MACIR: variants seen among roughly 807,000 people sequenced by gnomAD.
MACIR encodes the protein UNC119-binding protein C5orf30.
Under a neutral mutation model 14.3 loss-of-function variants are expected in MACIR, and 4 were observed. The ratio of observed to expected loss-of-function variants is 0.28; its 90% CI spans 0.14 to 0.64. The LOEUF (loss-of-function observed/expected upper bound fraction) is 0.64, where lower values mean the gene tolerates loss of function less well. MACIR is among the 30% of genes least tolerant of loss of function. The probability of loss-of-function intolerance (pLI) is 0.83; values close to 1 mark genes in which losing one functional copy is unlikely to be tolerated. For missense variants in MACIR, 228 were observed against 257.6 expected, an observed-to-expected ratio of 0.89 and a Z score of 0.79; for synonymous variants, 101 against 102.4, an observed-to-expected ratio of 0.99 and a Z score of 0.08.
intron 1 of MACIR, among the ~76,000 whole-genome samples, chr5:103,263,767 A>G (rs962144091): frequency 2.0e-5 from 3 of 152,168 alleles, no homozygotes; most frequent in African/African-American, 7.2e-5. Flanking sequence ...AATGAAATCT[A>G]TCCCACTTTG....
At chr5:103,266,677 G>A (rs1160780028) in intron 2 of MACIR, among the ~76,000 whole-genome samples, 1 of 152,056 alleles carries the variant, frequency 6.6e-6, no homozygotes, top group Non-Finnish European at 1.5e-5. Context: ...CTATATTAGT[G>A]TGACTTCATG....
At position 103,260,221 on chromosome 5, in the gene MACIR, C is replaced by CTT. The variant is rs797038831; in HGVS notation, c.-114+1338_-114+1339dup. Among the ~76,000 whole-genome samples the CTT allele has an allele frequency of 9.3e-4, 129 of 139,080 alleles. 1 individual carries two copies. The highest frequency in any genetic ancestry group is 3.1e-3 in the African/African-American group (119 of 38,240). The allele number at this position is 139,080 out of a possible 152,430, so 91.2% of individuals were successfully genotyped here. A position where few individuals can be genotyped will look rare whatever the true frequency, so the allele number is the denominator to read the frequency against. Reference sequence around the variant, plus strand: ...TTCTGATGTTACTAGACTCATTTTCCTTTTTTTTTTTTTTCCGAAGAGCCA... The same window carrying CTT: ...TTCTGATGTTACTAGACTCATTTTCCTTTTTTTTTTTTTTTTCCGAAGAGCCA... On this transcript the variant is annotated intron_variant, in intron 1 of 2. Coordinates refer to ENST00000319933, the MANE Select transcript of MACIR (RefSeq NM_033211.4).
At position 103,278,593 on chromosome 5, in the gene MACIR, C is replaced by G. The variant is rs550001189; in HGVS notation, c.*2053C>G. 6.0e-6 allele frequency: 1 copy of G among 167,164 alleles called. No homozygotes were observed. The highest frequency in any genetic ancestry group is 2.4e-5 in the African/African-American group (1 of 41,580). 10.4% of individuals were successfully genotyped at this position (167,164 alleles called of 1,614,324 possible). On this transcript the variant is annotated 3_prime_UTR_variant, in exon 3 of 3. Coordinates refer to ENST00000319933, the MANE Select transcript of MACIR (RefSeq NM_033211.4). ...CCTATTAGGAAACACAACTGGTTAC[C>G]TATGAGACCTGTTCTGTCCGTGTGC...
chr5:103,260,777 T>G (rs1234736174), intron 1 of MACIR, among the ~76,000 whole-genome samples: 8 of 152,222 alleles, frequency 5.3e-5, no homozygotes, highest in Non-Finnish European at 1.2e-4. Context: ...GGGTTTAAAA[T>G]TTCTTTGCTG....
chr5:103,272,230 T>C (rs1805158959), intron 2 of MACIR, among the ~76,000 whole-genome samples: 1 of 152,218 alleles, frequency 6.6e-6, no homozygotes, highest in African/African-American at 2.4e-5. Context: ...AGGCCATCTC[T>C]AGTTATAGTC....
chr5:103,271,493 A>G (rs781886520), intron 2 of MACIR, among the ~76,000 whole-genome samples: 1 of 152,044 alleles, frequency 6.6e-6, no homozygotes, highest in Non-Finnish European at 1.5e-5. Context: ...TCTGTACCCA[A>G]TGCTTTAAAA....
intron 2 of MACIR, among the ~76,000 whole-genome samples, chr5:103,270,463 A>G (rs972456709): frequency 1.3e-5 from 2 of 152,202 alleles, no homozygotes; most frequent in Non-Finnish European, 2.9e-5. Context: ...CGGCATTGGT[A>G]GGGGATGAAG....
chr5:103,261,659 T>G (rs939159450), intron 1 of MACIR, among the ~76,000 whole-genome samples: 5 of 107,404 alleles, frequency 4.7e-5, no homozygotes, highest in Admixed American at 2.7e-4. Context: ...TCTTTCTTTC[T>G]TTCTTTCTTT....
chr5:103,276,372 G>A lies in MACIR; in HGVS notation c.453G>A (p.Gly151=). Reference sequence around the variant, plus strand: ...ATGAACCTTACAAGGCCCTCCATGGGCCTCTGCCTCTTTGTCTTCTTAAAG... The same window carrying A: ...ATGAACCTTACAAGGCCCTCCATGGACCTCTGCCTCTTTGTCTTCTTAAAG... ...LPYEPYKALH[G]PLPLCLLKGK... The change falls in exon 3 of 3, where the codon GGG becomes GGA. Residue 151 remains glycine, a synonymous_variant. Coordinates refer to ENST00000319933, the MANE Select transcript of MACIR (RefSeq NM_033211.4). 1.2e-6 allele frequency: 2 copies of A among 1,613,574 alleles called. No individual in the cohort carries two copies.
chr5:103,271,965 C>T (rs1293874862), intron 2 of MACIR, among the ~76,000 whole-genome samples: 4 of 152,124 alleles, frequency 2.6e-5, no homozygotes, highest in African/African-American at 9.7e-5. Context: ...AAGCAGTTGG[C>T]ATTAGACCTG....
chr5:103,268,021 C>T (rs1804988749), intron 2 of MACIR, among the ~76,000 whole-genome samples: 1 of 152,182 alleles, frequency 6.6e-6, no homozygotes, highest in African/African-American at 2.4e-5. Context: ...GATTGTTCCA[C>T]TTCATTGCTG....
At position 103,276,432 on chromosome 5, in the gene MACIR, C is replaced by T. The variant is rs782587006; in HGVS notation, c.513C>T (p.Leu171=). 1 of 1,614,018 alleles carries T rather than the reference C, an allele frequency of 6.2e-7. No individual in the cohort carries two copies. The highest frequency in any genetic ancestry group is 1.1e-5 in the South Asian group (1 of 91,084). ...KRAHSKSLDY[L]NLDKMIKEPA... is the part of the protein sequence containing the mutation. ...CTCACTCCAAATCTCTGGACTACCT[C>T]AATCTAGATAAAATGATCAAGGAGC... is the stretch of plus-strand genomic sequence containing the variant. Residue 171 remains leucine (L), a synonymous_variant, in exon 3 of 3, where the codon CTC becomes CTT. Transcript: ENST00000319933.
upstream of MACIR, chr5:103,258,628 C>T (rs1804541819): frequency 6.5e-6 from 1 of 152,870 alleles, no homozygotes; most frequent in Non-Finnish European, 1.5e-5. Context: ...AGGAGGCGGG[C>T]TCAGCGCTGA....
intron 1 of MACIR, among the ~76,000 whole-genome samples, chr5:103,261,834 A>G (rs782706791): frequency 6.6e-6 from 1 of 151,946 alleles, no homozygotes; most frequent in African/African-American, 2.4e-5. Flanking sequence ...TACTGTACCA[A>G]TTTCTCTGCC....
Position 103,273,298 on chromosome 5 carries a change from G to A in MACIR, c.-23-2599G>A, listed in dbSNP as rs559512821. On this transcript the variant is annotated intron_variant, in intron 2 of 2. Coordinates refer to ENST00000319933, the MANE Select transcript of MACIR (RefSeq NM_033211.4). Reference sequence around the variant, plus strand: ...CCTAGGTTAAATCATTGTCTACCAGGTTGATGTGTGAAGATCCTGTTTGGA... The same window carrying A: ...CCTAGGTTAAATCATTGTCTACCAGATTGATGTGTGAAGATCCTGTTTGGA... Among the ~76,000 whole-genome samples, 3 of 151,820 alleles carry A rather than the reference G, an allele frequency of 2.0e-5. No individual in the cohort carries two copies. The South Asian group carries it at 6.2e-4, about 32-fold the overall frequency.
rs376591062 is a variant in MACIR at position 103,273,426 on chromosome 5, TATCAA to T, written c.-23-2466_-23-2462del. On this transcript the variant is annotated intron_variant, in intron 2 of 2. Coordinates refer to ENST00000319933, the MANE Select transcript of MACIR (RefSeq NM_033211.4). Reference sequence around the variant, plus strand: ...TTGTCTAACAATAGTGTCTATTTCTTATCAAATCAGATTTTGACCTTTACACAAGT... The same window carrying T: ...TTGTCTAACAATAGTGTCTATTTCTTATCAGATTTTGACCTTTACACAAGT... Among the ~76,000 whole-genome samples the T allele has an allele frequency of 4.0e-3, 603 of 152,348 alleles. 2 individuals are homozygous for T. Among genetic ancestry groups the T allele is most frequent in the African/African-American group, 0.014 (564 of 41,576 alleles).
rs781892752 is a variant in MACIR at position 103,278,168 on chromosome 5, C to A, written c.*1628C>A. 5 of 167,000 alleles carry A rather than the reference C, an allele frequency of 3.0e-5. No homozygotes were observed. Among genetic ancestry groups the A allele is most frequent in the Non-Finnish European group, 5.9e-5 (4 of 68,098 alleles). The allele number at this position is 167,000 out of a possible 1,614,324, so 10.3% of individuals were successfully genotyped here. On this transcript the variant is annotated 3_prime_UTR_variant, in exon 3 of 3. Transcript: ENST00000319933. ...CTGTTGTATATTTTAAAGTAAATTG[C>A]ACCTTTGTAACATATTGTATTGACG... is the stretch of plus-strand genomic sequence containing the variant.
intron 1 of MACIR, among the ~76,000 whole-genome samples, chr5:103,262,971 G>T (rs1434066632): frequency 6.6e-6 from 1 of 152,104 alleles, no homozygotes; most frequent in Non-Finnish European, 1.5e-5. Flanking sequence ...GAGAATTATA[G>T]ATTTTTAAAG....
chr5:103,272,994 A>G (rs1805191206), intron 2 of MACIR, among the ~76,000 whole-genome samples: 1 of 152,226 alleles, frequency 6.6e-6, no homozygotes, highest in African/African-American at 2.4e-5. Context: ...GCAGCTATAT[A>G]TATTTAAAGT....
Sources: allele counts gnomAD v4.1 joint callset (sites outside exome capture counted in the v4.1 genomes callset), GRCh38; gene constraint gnomAD v4.1.1; transcripts MANE v1.5; gene names NCBI Gene and HGNC (gene_info 2026-07-23, HGNC 2026-07-21).